SRCAP: variants seen among roughly 807,000 people sequenced by gnomAD.
SRCAP encodes the protein Snf2 related CREBBP activator protein.
A neutral mutation model predicts 263.1 loss-of-function variants in SRCAP; 46 were observed. The ratio of observed to expected loss-of-function variants is 0.17; its 90% CI spans 0.14 to 0.22. SRCAP has a LOEUF of 0.22. Ranked by LOEUF, SRCAP falls within the 10% of genes least tolerant of loss-of-function variation. The probability of loss-of-function intolerance (pLI) is 1.00; values close to 1 mark genes in which losing one functional copy is unlikely to be tolerated. For missense variants in SRCAP, 3,695 were observed against 4,181.9 expected (o/e 0.88, Z 3.21); for synonymous variants, 1,813 against 1,662.1 (o/e 1.09, Z -2.21).
chr16:30,713,503 C>T lies in SRCAP; in HGVS notation c.2301-16C>T, dbSNP rs888297986. The T allele has an allele frequency of 8.7e-6, 14 of 1,613,700 alleles. No homozygotes were observed. Among genetic ancestry groups the T allele is most frequent in the Non-Finnish European group, 1.1e-5 (13 of 1,179,844 alleles). On this transcript the variant is annotated splice_polypyrimidine_tract_variant and intron_variant, in intron 15 of 33. Transcript: ENST00000262518. The stretch of plus-strand genomic sequence containing the variant: ...TGCTGACCATACTCTCTCTGATTCT[C>T]TCTGTCTCTTTGCAGCCAGAGACGC...
intron 3 of SRCAP, among the ~76,000 whole-genome samples, chr16:30,703,634 C>T (rs1051413565): frequency 2.0e-5 from 3 of 151,870 alleles, no homozygotes; most frequent in African/African-American, 7.3e-5. Flanking sequence ...TGGTGGCTCA[C>T]GCCTGTAATC....
chr16:30,706,516 T>C (rs1299366331), intron 4 of SRCAP, among the ~76,000 whole-genome samples: 1 of 152,188 alleles, frequency 6.6e-6, no homozygotes, highest in African/African-American at 2.4e-5. Flanking sequence ...AAATTTTAAA[T>C]GCTTTTTAAA....
In SRCAP at chr16:30,710,744, T is replaced by C. The variant is rs780462593; in HGVS notation, c.1135-10T>C. 1 of 1,613,912 alleles carries C rather than the reference T, an allele frequency of 6.2e-7. No individual in the cohort carries two copies. Among genetic ancestry groups the C allele is most frequent in the Non-Finnish European group, 8.5e-7 (1 of 1,179,862 alleles). ...TTAGACCCTTCCCTTTTTTATCTTTTGCCATACAGATAAAGCCCCCACCCT... is the reference window on the plus strand; with the variant it reads ...TTAGACCCTTCCCTTTTTTATCTTTCGCCATACAGATAAAGCCCCCACCCT... On this transcript the variant is annotated splice_polypyrimidine_tract_variant and intron_variant, in intron 8 of 33. Transcript: ENST00000262518.
Position 30,736,385 on chromosome 16 carries a change from C to A in SRCAP, c.6915C>A (p.Leu2305=). Residue 2305 remains leucine (L), a synonymous_variant, in exon 32 of 34, where the codon CTC becomes CTA. Transcript: ENST00000262518. ...MSRAEQEIAA[L]VEQLTPIERY... Reference sequence around the variant, plus strand: ...GGGCTGAGCAGGAAATTGCTGCCCTCGTAGAACAGGTCAGTGCTGGACCCA... The same window carrying A: ...GGGCTGAGCAGGAAATTGCTGCCCTAGTAGAACAGGTCAGTGCTGGACCCA... The A allele has an allele frequency of 6.2e-7, 1 of 1,612,200 alleles. No homozygotes were observed. Among genetic ancestry groups the A allele is most frequent in the South Asian group, 1.1e-5 (1 of 90,834 alleles).
Position 30,704,648 on chromosome 16 carries a change from G to A in SRCAP, c.306+333G>A, listed in dbSNP as rs551257564. On this transcript the variant is annotated intron_variant, in intron 4 of 33. Coordinates refer to ENST00000262518, the MANE Select transcript of SRCAP (RefSeq NM_006662.3). ...AGCCCAGGAGTTCAAGACCAGACTG[G>A]GCAATGTGGTAAAACCCCATCTCTG... Among the ~76,000 whole-genome samples the A allele has an allele frequency of 8.5e-4, 129 of 152,172 alleles. 1 individual carries two copies. The highest frequency in any genetic ancestry group is 3.0e-3 in the African/African-American group (126 of 41,500).
At chr16:30,719,186 G>A (rs1446740477) in intron 18 of SRCAP, among the ~76,000 whole-genome samples, 1 of 148,682 alleles carries the variant, frequency 6.7e-6, no homozygotes, top group Non-Finnish European at 1.5e-5. Flanking sequence ...ATAAGCCATG[G>A]TGCCCCGCCT....
In SRCAP at chr16:30,722,108, TTC is replaced by T; in HGVS notation, c.3542-10_3542-9del. On this transcript the variant is annotated splice_polypyrimidine_tract_variant and intron_variant, in intron 21 of 33. Transcript: ENST00000262518. Reference sequence around the variant, plus strand: ...GATGAGCCTTGTGTACAATAAGGCCTTCTCTGTTTTTAGCAGGCGAAGTGGTC... The same window carrying T: ...GATGAGCCTTGTGTACAATAAGGCCTTCTGTTTTTAGCAGGCGAAGTGGTC... The T allele has an allele frequency of 6.2e-7, 1 of 1,610,756 alleles. No homozygotes were observed. The highest frequency in any genetic ancestry group is 1.1e-5 in the South Asian group (1 of 90,634).
rs397854666 is a variant in SRCAP, at chr16:30,740,075, CTT to C, written c.*357_*358del. ...GGCTTCTCTACAATGAGGTTTTTTT[CTT>C]TTTTTTTTTTTTTTAAGAAGAAAAA... On this transcript the variant is annotated 3_prime_UTR_variant, in exon 34 of 34. Coordinates refer to ENST00000262518, the MANE Select transcript of SRCAP (RefSeq NM_006662.3). 268 of 147,580 alleles carry C rather than the reference CTT, an allele frequency of 1.8e-3. No homozygotes were observed. The highest frequency in any genetic ancestry group is 9.7e-3 in the Middle Eastern group (3 of 310). The allele number at this position is 147,580 out of a possible 1,614,324, so 9.1% of individuals were successfully genotyped here.
Position 30,709,601 on chromosome 16 carries a change from A to G in SRCAP, c.722A>G (p.Glu241Gly). Residue 241 changes from glutamate to glycine, a missense_variant, in exon 7 of 34, where the codon GAA becomes GGA. Physicochemically the swap from Glu to Gly is moderately conservative, Grantham distance 98. Coordinates refer to ENST00000262518, the MANE Select transcript of SRCAP (RefSeq NM_006662.3). The part of the protein sequence containing the change: ...LHLDFIVGQT[E>G]KYSDLLSQSL... ...TTGGACTTCATTGTGGGGCAAACTGAAAAGTACTCGGACCTTCTGTCTCAG... is the reference window on the plus strand; with the variant it reads ...TTGGACTTCATTGTGGGGCAAACTGGAAAGTACTCGGACCTTCTGTCTCAG... 1 of 1,614,204 alleles carries G rather than the reference A, an allele frequency of 6.2e-7. No homozygotes were observed. Among genetic ancestry groups the G allele is most frequent in the Non-Finnish European group, 8.5e-7 (1 of 1,180,040 alleles).
At chr16:30,734,106 G>A in intron 30 of SRCAP, 98 bp downstream of exon 30, 1 of 1,086,244 alleles carries the variant, frequency 9.2e-7, no homozygotes, top group Non-Finnish European at 1.3e-6. Flanking sequence ...ACTTTGGGAG[G>A]CTGAGGCAGG....
At chr16:30,708,409 ATTT>A in intron 6 of SRCAP, among the ~76,000 whole-genome samples, 1 of 151,744 alleles carries the variant, frequency 6.6e-6, no homozygotes, top group East Asian at 1.9e-4. Flanking sequence ...TTTTTTTTTA[ATTT>A]TTTTGTGAAA....
At chr16:30,709,410 G>C in intron 6 of SRCAP, 103 bp from the exon 7 acceptor site, 2 of 1,246,606 alleles carry the variant, frequency 1.6e-6, no homozygotes, top group South Asian at 2.6e-5. Flanking sequence ...TTCCTAAGAG[G>C]CCAGCCCAGG....
chr16:30,716,588 T>A, intron 18 of SRCAP, 109 bp downstream of exon 18: 2 of 941,382 alleles, frequency 2.1e-6, no homozygotes, highest in Non-Finnish European at 3.2e-6. Context: ...ATGACTCCCC[T>A]ATCATTCCCT....
rs540950462 is a variant in SRCAP at position 30,700,522 on chromosome 16, C to T, written c.-209-94C>T. ...TGTAACCTGTAATTTCTGTGTTTCT[C>T]TTTATTCAGTGTTATTTCTGGTTTT... On this transcript the variant is annotated intron_variant, in intron 2 of 33. Transcript: ENST00000262518. The T allele has an allele frequency of 1.4e-5, 4 of 279,692 alleles. No individual in the cohort carries two copies. In the East Asian group the frequency reaches 1.9e-4, roughly 13 times the overall value. 17.3% of individuals were successfully genotyped at this position (279,692 alleles called of 1,614,324 possible).
At position 30,700,743 on chromosome 16, in the gene SRCAP, C is replaced by A; in HGVS notation, c.-82C>A. Reference sequence around the variant, plus strand: ...GCTCCCAGCATGCCCTGCAGCCGGACGCCAGCCCCTCGGCCAGCAGTACTG... The same window carrying A: ...GCTCCCAGCATGCCCTGCAGCCGGAAGCCAGCCCCTCGGCCAGCAGTACTG... On this transcript the variant is annotated 5_prime_UTR_variant, in exon 3 of 34. Transcript: ENST00000262518. 2 of 1,376,606 alleles carry A rather than the reference C, an allele frequency of 1.5e-6. No individual in the cohort carries two copies. The highest frequency in any genetic ancestry group is 2.0e-6 in the Non-Finnish European group (2 of 979,078). 85.3% of individuals were successfully genotyped at this position (1,376,606 alleles called of 1,614,324 possible).
chr16:30,708,121 C>T (rs1567241091), intron 6 of SRCAP, among the ~76,000 whole-genome samples: 1 of 152,186 alleles, frequency 6.6e-6, no homozygotes, highest in Admixed American at 6.5e-5. Flanking sequence ...CCACACCCAC[C>T]TTTCTTTTGT....
intron 19 of SRCAP, 34 bp from the exon 20 acceptor site, chr16:30,720,679 T>C: frequency 6.4e-7 from 1 of 1,550,658 alleles, no homozygotes; most frequent in Non-Finnish European, 8.7e-7. Flanking sequence ...ATTCTCCTTC[T>C]GTCCCTACCC....
At chr16:30,710,708 CTACTGTAACCT>C (rs763741644) in intron 8 of SRCAP, 35 bp from the exon 9 acceptor site, 5 of 1,592,432 alleles carry the variant, frequency 3.1e-6, no homozygotes, top group Non-Finnish European at 4.3e-6. Context: ...CATTCTTCTG[CTACTGTAACCT>C]TAGACCCTTC....
intron 6 of SRCAP, among the ~76,000 whole-genome samples, chr16:30,708,424 A>G (rs1166550908): frequency 2.0e-5 from 3 of 152,072 alleles, no homozygotes; most frequent in Admixed American, 1.3e-4. Context: ...TTTGTGAAAC[A>G]GAGTCTCACC....
Sources: allele counts gnomAD v4.1 joint callset (sites outside exome capture counted in the v4.1 genomes callset), GRCh38; gene constraint gnomAD v4.1.1; transcripts MANE v1.5; gene names NCBI Gene and HGNC (gene_info 2026-07-23, HGNC 2026-07-21).